Variants in CUX1 observed in about 807,000 individuals in gnomAD.
CUX1 encodes protein CASP.
In CUX1, 31 loss-of-function variants were observed where a neutral mutation model predicts 158.8. That is an observed-to-expected ratio of 0.20 (90% CI 0.15 to 0.26). The LOEUF (loss-of-function observed/expected upper bound fraction) is 0.26, where lower values mean the gene tolerates loss of function less well. Among genes scored for constraint, CUX1 ranks in the 10% least tolerant of loss-of-function variants. CUX1 has a pLI of 1.00. For missense variants in CUX1, 1,589 were observed against 2,014.6 expected (o/e 0.79, Z 4.04); for synonymous variants, 879 against 862.1 (o/e 1.02, Z -0.34).
chr7:102,211,505 G>A (rs1229029706), intron 20 of CUX1, among the ~76,000 whole-genome samples: 1 of 151,820 alleles, frequency 6.6e-6, no homozygotes, highest in Admixed American at 6.6e-5. Flanking sequence ...TTTCGGCTGG[G>A]CGCAGTGGCT....
chr7:101,895,237 T>G (rs1446631663), intron 1 of CUX1, among the ~76,000 whole-genome samples: 1 of 152,146 alleles, frequency 6.6e-6, no homozygotes, highest in Non-Finnish European at 1.5e-5. Context: ...GCCAGGCTGG[T>G]CTTGAACTCC....
At chr7:102,094,990 C>T (rs996653721) in intron 4 of CUX1, among the ~76,000 whole-genome samples, 2 of 151,912 alleles carry the variant, frequency 1.3e-5, no homozygotes, top group Non-Finnish European at 2.9e-5. Context: ...AGAACCATCT[C>T]CCCAAGATAG....
chr7:101,858,082 C>T (rs1254007693), intron 1 of CUX1, among the ~76,000 whole-genome samples: 1 of 152,150 alleles, frequency 6.6e-6, no homozygotes, highest in Non-Finnish European at 1.5e-5. Flanking sequence ...AAGATGGTGC[C>T]ACTGCACTCC....
intron 8 of CUX1, among the ~76,000 whole-genome samples, chr7:102,116,492 A>G (rs139744786): frequency 1.3e-5 from 2 of 152,116 alleles, no homozygotes; most frequent in Non-Finnish European, 2.9e-5. Context: ...AAAACTTACT[A>G]TATTTCACCG....
In CUX1 at chr7:101,952,245, G is replaced by A. The variant is rs549111799; in HGVS notation, c.141+36020G>A. Among the ~76,000 whole-genome samples, 7 of 152,258 alleles carry A rather than the reference G, an allele frequency of 4.6e-5. No homozygotes were observed. In the South Asian group the frequency reaches 1.5e-3, roughly 32 times the overall value. Reference sequence around the variant, plus strand: ...AAAAAAAAATACAAAAATTAGCTAGGCGTGGTAGCATATGCCTGTATTCCC... The same window carrying A: ...AAAAAAAAATACAAAAATTAGCTAGACGTGGTAGCATATGCCTGTATTCCC... On this transcript the variant is annotated intron_variant, in intron 2 of 23. Coordinates refer to ENST00000292535, the MANE Select transcript of CUX1 (RefSeq NM_181552.4).
chr7:102,111,444 A>G (rs782320863), intron 6 of CUX1, among the ~76,000 whole-genome samples: 2 of 152,128 alleles, frequency 1.3e-5, no homozygotes, highest in Non-Finnish European at 2.9e-5. Context: ...ATTTAGGATA[A>G]CCTTCTACGC....
intron 1 of CUX1, among the ~76,000 whole-genome samples, chr7:101,906,146 T>C (rs1455321236): frequency 6.6e-6 from 1 of 151,950 alleles, no homozygotes; most frequent in African/African-American, 2.4e-5. Flanking sequence ...TTACTAGCGC[T>C]GACTACATGC....
intron 1 of CUX1, among the ~76,000 whole-genome samples, chr7:101,861,802 T>C (rs1329301697): frequency 6.6e-6 from 1 of 151,788 alleles, no homozygotes; most frequent in Non-Finnish European, 1.5e-5. Flanking sequence ...CCTCACTCTG[T>C]GGCCCAGGCT....
chr7:102,201,580 C>A lies in CUX1; in HGVS notation c.2283C>A (p.Ala761=), dbSNP rs781946371. Residue 761 remains alanine, a synonymous_variant, in exon 18 of 24, where the codon GCC becomes GCA. Coordinates refer to ENST00000292535, the MANE Select transcript of CUX1 (RefSeq NM_181552.4). The surrounding 1 kb of genome is among the most constrained non-coding windows in gnomAD (Gnocchi z 5.0). The part of the protein sequence containing the change: ...MPTVSSYPPL[A]ISLKKPSAAP... ...CCGTGTCCAGCTACCCACCTCTCGC[C>A]ATCTCCCTGAAGAAGCCCTCCGCAG... 1.4e-5 allele frequency: 23 copies of A among 1,614,192 alleles called. No individual in the cohort carries two copies. In the South Asian group the frequency reaches 2.5e-4, roughly 18 times the overall value.
chr7:101,977,597 C>T (rs1812874590), intron 2 of CUX1, among the ~76,000 whole-genome samples: 2 of 151,908 alleles, frequency 1.3e-5, no homozygotes, highest in African/African-American at 4.8e-5. Context: ...TAGCTATGAT[C>T]GTGCCACTGT....
rs978136974 is a variant in CUX1, at chr7:102,248,078, C to T, written c.3888-334C>T. On this transcript the variant is annotated intron_variant, in intron 23 of 23. Coordinates refer to ENST00000292535, the MANE Select transcript of CUX1 (RefSeq NM_181552.4). This position sits in a 1 kb window ranked among gnomAD's most constrained non-coding sequence, Gnocchi z 5.8. ...CCCAGGAGGCAGAGGTTGCAGTCTG[C>T]GGAGATTGAGCCACTGCACTCCACC... 1.1e-4 allele frequency among the ~76,000 whole-genome samples: 17 copies of T among 152,130 alleles called. No homozygotes were observed. Among genetic ancestry groups the T allele is most frequent in the Admixed American group, 8.5e-4 (13 of 15,276 alleles).
At chr7:101,883,155 C>G (rs1189136543) in intron 1 of CUX1, among the ~76,000 whole-genome samples, 1 of 152,164 alleles carries the variant, frequency 6.6e-6, no homozygotes, top group African/African-American at 2.4e-5. Flanking sequence ...CTTCCTATCA[C>G]AGCAATTTTC....
Position 102,248,556 on chromosome 7 carries a change from T to A in CUX1, c.4032T>A (p.Thr1344=). 6.7e-7 allele frequency: 1 copy of A among 1,499,962 alleles called. No individual in the cohort carries two copies. Among genetic ancestry groups the A allele is most frequent in the Non-Finnish European group, 8.9e-7 (1 of 1,128,780 alleles). The allele number at this position is 1,499,962 out of a possible 1,614,324, so 92.9% of individuals were successfully genotyped here. ...EGDSCDGVEA[T]EGPGSADTEE... ...ACAGCTGCGACGGCGTGGAGGCCAC[T>A]GAGGGCCCAGGCAGCGCCGACACCG... is the stretch of plus-strand genomic sequence containing the variant. The change falls in exon 24 of 24, where the codon ACT becomes ACA. Residue 1344 remains threonine (T), a synonymous_variant. Transcript: ENST00000292535. The surrounding 1 kb of genome is among the most constrained non-coding windows in gnomAD (Gnocchi z 5.8).
chr7:102,101,145 A>G (rs1426568200), intron 5 of CUX1, among the ~76,000 whole-genome samples: 1 of 152,192 alleles, frequency 6.6e-6, no homozygotes, highest in African/African-American at 2.4e-5. Context: ...CCCACTTCCA[A>G]CACTGGAGAT....
chr7:102,243,825 C>T (rs1345267076), intron 23 of CUX1, among the ~76,000 whole-genome samples: 4 of 151,640 alleles, frequency 2.6e-5, no homozygotes, highest in African/African-American at 7.3e-5. Flanking sequence ...GTCAGGAGTT[C>T]GAGACCAGCC....
At chr7:102,270,497 C>T (rs1189166963) in intron 14 of CUX1, among the ~76,000 whole-genome samples, 1 of 152,190 alleles carries the variant, frequency 6.6e-6, no homozygotes, top group Non-Finnish European at 1.5e-5. Context: ...CCCCCCTCTA[C>T]CCACAGCCTT....
chr7:102,130,995 G>A (rs1437862675), intron 8 of CUX1, among the ~76,000 whole-genome samples: 10 of 150,266 alleles, frequency 6.7e-5, no homozygotes, highest in Non-Finnish European at 1.2e-4. Flanking sequence ...CTGAAAATAC[G>A]AAAATTAGCC....
intron 2 of CUX1, among the ~76,000 whole-genome samples, chr7:102,026,812 C>T (rs1426218205): frequency 1.2e-4 from 13 of 109,392 alleles, no homozygotes; most frequent in East Asian, 2.3e-4. Context: ...AGTGAGACTC[C>T]GTCTTTAAAA....
chr7:102,040,416 G>A (rs1821929999), intron 3 of CUX1, among the ~76,000 whole-genome samples: 1 of 152,200 alleles, frequency 6.6e-6, no homozygotes, highest in Non-Finnish European at 1.5e-5. Flanking sequence ...TACCAAGGAA[G>A]TTAGTAGGGC....
Sources: allele counts gnomAD v4.1 joint callset (sites outside exome capture counted in the v4.1 genomes callset), GRCh38; gene constraint gnomAD v4.1.1; non-coding constraint Gnocchi (gnomAD v3.1); transcripts MANE v1.5; gene names NCBI Gene and HGNC (gene_info 2026-07-23, HGNC 2026-07-21).